The following SETBP1 variants were observed in gnomAD, a reference collection of about 807,000 sequenced individuals.
SETBP1 encodes SET-binding protein.
SETBP1 carries 9 observed loss-of-function variants against 101.0 expected under a neutral mutation model. The ratio of observed to expected loss-of-function variants is 0.09; its 90% CI spans 0.05 to 0.16. SETBP1 has a LOEUF of 0.16. Among genes scored for constraint, SETBP1 ranks in the 10% least tolerant of loss-of-function variants. The probability of loss-of-function intolerance (pLI) is 1.00; values close to 1 mark genes in which losing one functional copy is unlikely to be tolerated. For missense variants in SETBP1, 1,858 were observed against 2,033.8 expected (o/e 0.91, Z 1.66); for synonymous variants, 818 against 788.5 (o/e 1.04, Z -0.63).
chr18:45,053,741 A>G (rs983344513), intron 5 of SETBP1, among the ~76,000 whole-genome samples: 3 of 151,582 alleles, frequency 2.0e-5, no homozygotes, highest in African/African-American at 7.2e-5. Flanking sequence ...CATGTTTGCT[A>G]TATGGTTCTT....
chr18:44,702,162 A>G lies in SETBP1; in HGVS notation c.486+330A>G, dbSNP rs192917914. On this transcript the variant is annotated intron_variant, in intron 2 of 5. Coordinates refer to ENST00000649279, the MANE Select transcript of SETBP1 (RefSeq NM_015559.3). ...AAGAAAATCAAAAAGAAGAAAAAAT[A>G]TATTTGCTATTTATTAAGTGGAAGT... 2.5e-3 allele frequency among the ~76,000 whole-genome samples: 387 copies of G among 152,316 alleles called. 1 individual carries two copies. The highest frequency in any genetic ancestry group is 9.1e-3 in the African/African-American group (378 of 41,558).
intron 2 of SETBP1, among the ~76,000 whole-genome samples, chr18:44,781,820 T>C (rs2071137479): frequency 6.6e-6 from 1 of 152,196 alleles, no homozygotes; most frequent in South Asian, 2.1e-4. Context: ...CTGCAGTTTC[T>C]TGATACCCTG....
intron 2 of SETBP1, among the ~76,000 whole-genome samples, chr18:44,764,754 G>A (rs1837252557): frequency 6.6e-6 from 1 of 152,156 alleles, no homozygotes; most frequent in African/African-American, 2.4e-5. Flanking sequence ...TTACAGGTGT[G>A]AGCCACCGCG....
intron 4 of SETBP1, among the ~76,000 whole-genome samples, chr18:44,992,030 C>T (rs1427006425): frequency 6.6e-6 from 1 of 152,056 alleles, no homozygotes; most frequent in Non-Finnish European, 1.5e-5. Flanking sequence ...ATATTTAATT[C>T]ATGGGTCAAA....
intron 2 of SETBP1, among the ~76,000 whole-genome samples, chr18:44,815,442 C>T (rs2071954257): frequency 6.6e-6 from 1 of 152,186 alleles, no homozygotes; most frequent in African/African-American, 2.4e-5. Context: ...GGGCAATAGA[C>T]ATTTGAATTA....
intron 4 of SETBP1, among the ~76,000 whole-genome samples, chr18:44,960,913 T>A (rs940613938): frequency 3.3e-5 from 5 of 152,226 alleles, no homozygotes; most frequent in African/African-American, 1.2e-4. Context: ...AAAAGAGCCA[T>A]CCTTGATTTC....
intron 2 of SETBP1, among the ~76,000 whole-genome samples, chr18:44,773,814 C>T (rs1268054100): frequency 6.8e-6 from 1 of 146,580 alleles, no homozygotes; most frequent in Non-Finnish European, 1.5e-5. Context: ...CTCTCTCTCT[C>T]TCTCTCTCTG....
chr18:44,933,372 G>C (rs993288229), intron 3 of SETBP1, among the ~76,000 whole-genome samples: 3 of 152,218 alleles, frequency 2.0e-5, no homozygotes, highest in Non-Finnish European at 4.4e-5. Flanking sequence ...ACTGGGAGGT[G>C]TCTCCCAGTT....
chr18:44,905,106 G>T (rs2070142375), intron 3 of SETBP1, among the ~76,000 whole-genome samples: 1 of 152,186 alleles, frequency 6.6e-6, no homozygotes, highest in African/African-American at 2.4e-5. Flanking sequence ...CAATTATAGA[G>T]GTGAGTAGCT....
intron 4 of SETBP1, among the ~76,000 whole-genome samples, chr18:45,026,464 T>C (rs1415912046): frequency 6.6e-6 from 1 of 152,200 alleles, no homozygotes; most frequent in Non-Finnish European, 1.5e-5. Flanking sequence ...CTAGCTTTCT[T>C]CCACCCTTAA....
In SETBP1 at chr18:44,690,701, T is replaced by C. The variant is rs145088614; in HGVS notation, c.-173+9680T>C. Among the ~76,000 whole-genome samples, 574 of 152,330 alleles carry C rather than the reference T, an allele frequency of 3.8e-3. 3 individuals carry two copies. The highest frequency in any genetic ancestry group is 6.6e-3 in the Non-Finnish European group (451 of 68,030). The stretch of plus-strand genomic sequence containing the variant: ...AAATCCCTCAACTTTAATTTTCTTA[T>C]CTGTAAAATGGATGTGTCTCTGGGT... On this transcript the variant is annotated intron_variant, in intron 1 of 5. Coordinates refer to ENST00000649279, the MANE Select transcript of SETBP1 (RefSeq NM_015559.3).
At chr18:44,888,623 T>C (rs1741345133) in intron 3 of SETBP1, among the ~76,000 whole-genome samples, 1 of 152,054 alleles carries the variant, frequency 6.6e-6, no homozygotes, top group African/African-American at 2.4e-5. Flanking sequence ...GCCTAATACC[T>C]CTCTATTATG....
intron 4 of SETBP1, among the ~76,000 whole-genome samples, chr18:44,990,703 A>G (rs2072349985): frequency 6.6e-6 from 1 of 152,048 alleles, no homozygotes; most frequent in South Asian, 2.1e-4. Context: ...AAAACACTAA[A>G]AATAATGTTC....
intron 1 of SETBP1, among the ~76,000 whole-genome samples, chr18:44,684,657 A>AT (rs1001845159): frequency 4.0e-5 from 6 of 151,074 alleles, no homozygotes; most frequent in Non-Finnish European, 7.4e-5. Flanking sequence ...TAATTAATTA[A>AT]TTTTTTGTGA....
intron 2 of SETBP1, among the ~76,000 whole-genome samples, chr18:44,793,987 CA>C (rs1428142312): frequency 1.3e-5 from 2 of 152,180 alleles, no homozygotes; most frequent in Non-Finnish European, 2.9e-5. Flanking sequence ...TAGCCATTAA[CA>C]AGGGGTTAGT....
chr18:44,984,044 T>C (rs2072174292), intron 4 of SETBP1, among the ~76,000 whole-genome samples: 1 of 151,824 alleles, frequency 6.6e-6, no homozygotes, highest in South Asian at 2.1e-4. Context: ...CTACTAAAAA[T>C]ACAAAAATTA....
chr18:44,756,787 C>A (rs751025910), intron 2 of SETBP1, among the ~76,000 whole-genome samples: 2 of 152,146 alleles, frequency 1.3e-5, no homozygotes, highest in Non-Finnish European at 2.9e-5. Context: ...CTCAGTGCTT[C>A]CCAGGAGGAG....
intron 3 of SETBP1, among the ~76,000 whole-genome samples, chr18:44,893,044 A>G (rs533677463): frequency 2.6e-5 from 4 of 152,280 alleles, no homozygotes; most frequent in Admixed American, 2.0e-4. Context: ...ACTGCCATCT[A>G]GGATTATGAT....
At chr18:44,731,462 G>A (rs1328355856) in intron 2 of SETBP1, among the ~76,000 whole-genome samples, 1 of 152,164 alleles carries the variant, frequency 6.6e-6, no homozygotes, top group Non-Finnish European at 1.5e-5. Flanking sequence ...CCTGAGTTAG[G>A]AGCCAAGAGA....
Sources: gnomAD v4.1 joint callset for allele counts (sites outside exome capture counted in the v4.1 genomes callset) on GRCh38, gnomAD v4.1.1 for gene constraint, MANE v1.5 for transcripts, NCBI Gene and HGNC (gene_info 2026-07-23, HGNC 2026-07-21) for gene names.